The following EPHB1 variants were observed in gnomAD, a reference collection of about 807,000 sequenced individuals.
EPHB1 encodes the protein ephrin type-B receptor 1.
EPHB1 carries 30 observed loss-of-function variants against 94.4 expected under a neutral mutation model. The observed-to-expected ratio is 0.32, with a 90% CI of 0.24 to 0.43. The LOEUF (loss-of-function observed/expected upper bound fraction) is 0.43. Ranked by LOEUF, EPHB1 falls within the 20% of genes least tolerant of loss-of-function variation. The pLI is 1.00. For synonymous variants in EPHB1, 522 were observed against 489.1 expected, an observed-to-expected ratio of 1.07 and a Z score of -0.89; for missense variants, 1,055 against 1,308.3, an observed-to-expected ratio of 0.81 and a Z score of 2.99.
At chr3:134,797,635 G>A (rs141133336) in intron 1 of EPHB1, among the ~76,000 whole-genome samples, 6 of 152,298 alleles carry the variant, frequency 3.9e-5, no homozygotes, top group Admixed American at 3.3e-4. Context: ...TTTCCTCCCT[G>A]CCCCTCTTCT....
intron 3 of EPHB1, among the ~76,000 whole-genome samples, chr3:134,955,103 T>TTTTTTTTTTTTTTTTTTTTTTTA (rs1559770507): frequency 2.2e-5 from 1 of 44,510 alleles, no homozygotes; most frequent in Non-Finnish European, 4.1e-5. Context: ...TTTTTTTTTT[T>TTTTTTTTTTTTTTTTTTTTTTTA]AATTTTTTTT....
At chr3:135,069,819 A>C (rs556745939) in intron 3 of EPHB1, among the ~76,000 whole-genome samples, 1 of 152,058 alleles carries the variant, frequency 6.6e-6, no homozygotes, top group South Asian at 2.1e-4. Context: ...CCACCAATAC[A>C]TGATTAAAAA....
chr3:134,812,797 C>A (rs577953171), intron 1 of EPHB1, among the ~76,000 whole-genome samples: 1 of 152,228 alleles, frequency 6.6e-6, no homozygotes, highest in Non-Finnish European at 1.5e-5. Flanking sequence ...ATTTTAACCA[C>A]CCTGGTGGGT....
At chr3:135,258,721 G>C (rs534876051) in intron 15 of EPHB1, among the ~76,000 whole-genome samples, 1 of 152,286 alleles carries the variant, frequency 6.6e-6, no homozygotes, top group East Asian at 1.9e-4. Context: ...CCATCTGAGG[G>C]TCAGGAGACA....
At chr3:135,098,344 G>A (rs116281922) in intron 3 of EPHB1, among the ~76,000 whole-genome samples, 43,944 of 130,142 alleles carry the variant, frequency 0.34, 7,170 homozygotes, top group East Asian at 0.74. Context: ...ATGTTTGAGT[G>A]TGTGTGTGTG....
chr3:134,966,142 A>T (rs1933735855), intron 3 of EPHB1, among the ~76,000 whole-genome samples: 1 of 151,460 alleles, frequency 6.6e-6, no homozygotes, highest in Non-Finnish European at 1.5e-5. Flanking sequence ...TCTCCCTTTC[A>T]CTCTCCTCCT....
chr3:134,954,384 A>G (rs1306579439), intron 3 of EPHB1, among the ~76,000 whole-genome samples: 1 of 152,174 alleles, frequency 6.6e-6, no homozygotes, highest in East Asian at 1.9e-4. Flanking sequence ...CTTCAGGGAT[A>G]GGCTTTCCAC....
chr3:135,171,593 G>A (rs1941801923), intron 9 of EPHB1, among the ~76,000 whole-genome samples: 1 of 152,162 alleles, frequency 6.6e-6, no homozygotes, highest in Non-Finnish European at 1.5e-5. Flanking sequence ...GGATAAATCT[G>A]GAATCTCATG....
intron 3 of EPHB1, among the ~76,000 whole-genome samples, chr3:134,958,988 A>C (rs968818173): frequency 6.6e-6 from 1 of 152,218 alleles, no homozygotes; most frequent in Non-Finnish European, 1.5e-5. Flanking sequence ...TGAGTCTTCC[A>C]GGCCAATGTT....
intron 3 of EPHB1, among the ~76,000 whole-genome samples, chr3:135,015,113 C>T (rs190512206): frequency 3.3e-5 from 5 of 152,248 alleles, no homozygotes; most frequent in South Asian, 2.1e-4. Flanking sequence ...TCCCCCTGTG[C>T]GTGGCCATTC....
At position 134,951,692 on chromosome 3, in the gene EPHB1, G is replaced by A. The variant is rs1470254946; in HGVS notation, c.445G>A (p.Val149Met). 4 of 1,613,978 alleles carry A rather than the reference G, an allele frequency of 2.5e-6. No individual in the cohort carries two copies. The highest frequency in any genetic ancestry group is 3.4e-6 in the Non-Finnish European group (4 of 1,179,990). Reference protein sequence around the residue: ...TIAADESFSQVDFGGRLMKVN... With the variant: ...TIAADESFSQMDFGGRLMKVN... Reference sequence around the variant, plus strand: ...TGCTGCAGATGAGAGCTTCTCCCAGGTGGACTTTGGGGGAAGGCTGATGAA... The same window carrying A: ...TGCTGCAGATGAGAGCTTCTCCCAGATGGACTTTGGGGGAAGGCTGATGAA... The change falls in exon 3 of 16, where the codon GTG (valine) becomes ATG (methionine). Residue 149 changes from valine (V) to methionine (M), a missense_variant. Physicochemically the swap from Val to Met is conservative, Grantham distance 21. Coordinates refer to ENST00000398015, the MANE Select transcript of EPHB1 (RefSeq NM_004441.5). This position sits in a 1 kb window ranked among gnomAD's most constrained non-coding sequence, Gnocchi z 4.5.
chr3:134,865,654 TA>T (rs57411473), intron 1 of EPHB1, among the ~76,000 whole-genome samples: 8,581 of 141,912 alleles, frequency 0.06, 669 homozygotes, highest in African/African-American at 0.19. Flanking sequence ...GCAGCTGTTT[TA>T]AAAAAAAAAA....
chr3:134,805,834 T>C (rs1358826467), intron 1 of EPHB1, among the ~76,000 whole-genome samples: 1 of 152,166 alleles, frequency 6.6e-6, no homozygotes, highest in Non-Finnish European at 1.5e-5. Context: ...CCACACTCGA[T>C]TGGGTTGCCC....
intron 1 of EPHB1, among the ~76,000 whole-genome samples, chr3:134,816,846 A>G (rs2036283052): frequency 6.6e-6 from 1 of 151,930 alleles, no homozygotes; most frequent in African/African-American, 2.4e-5. Context: ...CATGGCCAAG[A>G]GTCGCAGGCG....
chr3:135,197,124 A>T (rs1942642049), intron 11 of EPHB1, among the ~76,000 whole-genome samples: 1 of 152,032 alleles, frequency 6.6e-6, no homozygotes, highest in Admixed American at 6.6e-5. Flanking sequence ...AAAGACAAAA[A>T]AAATAATAAT....
At position 135,086,006 on chromosome 3, in the gene EPHB1, T is replaced by A. The variant is rs183595802; in HGVS notation, c.806-20442T>A. On this transcript the variant is annotated intron_variant, in intron 3 of 15. Coordinates refer to ENST00000398015, the MANE Select transcript of EPHB1 (RefSeq NM_004441.5). The stretch of plus-strand genomic sequence containing the variant: ...GGCCTCCCCAGGAGAAAGGCGTCAG[T>A]GTGTGCCTAGAGGAAAGGCCAGGGC... 3.0e-4 allele frequency among the ~76,000 whole-genome samples: 45 copies of A among 152,190 alleles called. 2 individuals are homozygous for A. In the South Asian group the frequency reaches 9.1e-3, roughly 31 times the overall value.
intron 3 of EPHB1, among the ~76,000 whole-genome samples, chr3:135,103,918 T>G (rs550587133): frequency 6.6e-6 from 1 of 152,338 alleles, no homozygotes; most frequent in South Asian, 2.1e-4. Context: ...GGAGGCACTT[T>G]CCACATCCCC....
chr3:135,031,097 G>A (rs183801496), intron 3 of EPHB1, among the ~76,000 whole-genome samples: 34 of 152,194 alleles, frequency 2.2e-4, no homozygotes, highest in Admixed American at 1.4e-3. Flanking sequence ...CACGGTGCGC[G>A]CACCCACTGA....
chr3:135,077,421 CT>C (rs759637690), intron 3 of EPHB1, among the ~76,000 whole-genome samples: 2 of 152,224 alleles, frequency 1.3e-5, no homozygotes, highest in Non-Finnish European at 2.9e-5. Context: ...AGACTTGCCC[CT>C]CTCCCTGCTC....
Sources: gnomAD v4.1 joint callset for allele counts (sites outside exome capture counted in the v4.1 genomes callset) on GRCh38, gnomAD v4.1.1 for gene constraint, Gnocchi (gnomAD v3.1) non-coding constraint, MANE v1.5 for transcripts, NCBI Gene and HGNC (gene_info 2026-07-23, HGNC 2026-07-21) for gene names.